SNX29: variants seen among roughly 807,000 people sequenced by gnomAD.
SNX29 encodes the protein sorting nexin-29.
In SNX29, 78 loss-of-function variants were observed where a neutral mutation model predicts 102.1. That is an observed-to-expected ratio of 0.76 (90% CI 0.64 to 0.92). The LOEUF (loss-of-function observed/expected upper bound fraction) is 0.92. Ranked by LOEUF, SNX29 falls within the 40% of genes least tolerant of loss-of-function variation. SNX29 has a pLI of 0.00. For synonymous variants in SNX29, 580 were observed against 414.5 expected, an observed-to-expected ratio of 1.40 and a Z score of -4.85; for missense variants, 1,280 against 1,061.7, an observed-to-expected ratio of 1.21 and a Z score of -2.86.
chr16:12,567,827 C>G (rs1002934055), intron 20 of SNX29, among the ~76,000 whole-genome samples: 1 of 152,148 alleles, frequency 6.6e-6, no homozygotes, highest in African/African-American at 2.4e-5. Flanking sequence ...CCTCTGCTCT[C>G]ACGGTGAAGC....
At chr16:12,348,429 G>A (rs1476117) in intron 15 of SNX29, among the ~76,000 whole-genome samples, 60,640 of 152,152 alleles carry the variant, frequency 0.4, 13,817 homozygotes, top group Non-Finnish European at 0.54. Context: ...TTACTGCTAG[G>A]GTCCCCCTGA....
intron 20 of SNX29, among the ~76,000 whole-genome samples, chr16:12,535,794 G>A (rs765551255): frequency 7.9e-5 from 12 of 151,848 alleles, no homozygotes; most frequent in Admixed American, 2.0e-4. Flanking sequence ...TATAGAGGCC[G>A]CAGCCACTGT....
At position 12,552,440 on chromosome 16, in the gene SNX29, G is replaced by A. The variant is rs141245785; in HGVS notation, c.2319-16066G>A. 1.4e-4 allele frequency among the ~76,000 whole-genome samples: 22 copies of A among 152,294 alleles called. 1 individual carries two copies. In the East Asian group the frequency reaches 4.3e-3, roughly 29 times the overall value. ...GGTCAGTTCTTTTGGCTCGAGAGCT[G>A]GAGTGAAATACCTCGGGTCCATCTC... On this transcript the variant is annotated intron_variant, in intron 20 of 20. Coordinates refer to ENST00000566228, the MANE Select transcript of SNX29 (RefSeq NM_032167.5).
intron 4 of SNX29, among the ~76,000 whole-genome samples, chr16:12,030,114 G>A (rs2057299144): frequency 6.6e-6 from 1 of 152,124 alleles, no homozygotes; most frequent in Non-Finnish European, 1.5e-5. Flanking sequence ...CGATGCCATA[G>A]CCTCTTGGCA....
At chr16:12,493,696 A>G (rs1015202269) in intron 19 of SNX29, among the ~76,000 whole-genome samples, 1 of 152,134 alleles carries the variant, frequency 6.6e-6, no homozygotes, top group Non-Finnish European at 1.5e-5. Context: ...GGTTCAAATG[A>G]TTGTCCTGCC....
In SNX29 at chr16:12,545,188, CAATACAAAAAAGGAAGGGG is replaced by C. The variant is rs1567685619; in HGVS notation, c.2318+20348_2318+20366del. 7.9e-5 allele frequency among the ~76,000 whole-genome samples: 12 copies of C among 152,136 alleles called. No homozygotes were observed. In the South Asian group the frequency reaches 2.5e-3, roughly 32 times the overall value. On this transcript the variant is annotated intron_variant, in intron 20 of 20. Transcript: ENST00000566228. The stretch of plus-strand genomic sequence containing the variant: ...CAGCCGTCAGAGAAACAAATATGGT[CAATACAAAAAAGGAAGGGG>C]TGGGGCAGGCAATGACAGGGAAAGG...
At chr16:12,402,645 C>T (rs146563986) in intron 17 of SNX29, among the ~76,000 whole-genome samples, 25 of 152,318 alleles carry the variant, frequency 1.6e-4, no homozygotes, top group African/African-American at 6.0e-4. Context: ...AAAACAATCA[C>T]ATAACCAAAA....
chr16:12,281,070 G>A (rs907123420), intron 15 of SNX29, among the ~76,000 whole-genome samples: 2 of 152,118 alleles, frequency 1.3e-5, no homozygotes, highest in East Asian at 3.8e-4. Context: ...ACTATTCCCA[G>A]CTAATTTTTT....
At chr16:12,476,960 G>C (rs2087683500) in intron 18 of SNX29, among the ~76,000 whole-genome samples, 1 of 152,112 alleles carries the variant, frequency 6.6e-6, no homozygotes, top group African/African-American at 2.4e-5. Flanking sequence ...TCTCTGGGCT[G>C]TTCTTAACTC....
intron 14 of SNX29, among the ~76,000 whole-genome samples, chr16:12,223,371 CA>C (rs1438674563): frequency 2.6e-5 from 4 of 152,126 alleles, no homozygotes; most frequent in Non-Finnish European, 4.4e-5. Context: ...ATTAAAAATA[CA>C]AAAATTAGGC....
At chr16:12,529,698 TTCTC>T (rs1484314636) in intron 20 of SNX29, among the ~76,000 whole-genome samples, 1 of 151,994 alleles carries the variant, frequency 6.6e-6, no homozygotes, top group Non-Finnish European at 1.5e-5. Context: ...TGCTGCTGCA[TTCTC>T]TCTTAGGGTT....
chr16:12,156,218 G>C (rs146606913), intron 13 of SNX29, among the ~76,000 whole-genome samples: 4 of 152,260 alleles, frequency 2.6e-5, no homozygotes, highest in Non-Finnish European at 4.4e-5. Context: ...CTGTCGCCCA[G>C]GCTGGAGTGC....
At chr16:12,481,561 A>G (rs932647253) in intron 19 of SNX29, among the ~76,000 whole-genome samples, 1 of 142,492 alleles carries the variant, frequency 7.0e-6, no homozygotes, top group African/African-American at 2.6e-5. Context: ...CACACCCCAA[A>G]TGTCACCCTG....
At chr16:12,408,971 T>C (rs1402901245) in intron 18 of SNX29, among the ~76,000 whole-genome samples, 1 of 152,238 alleles carries the variant, frequency 6.6e-6, no homozygotes, top group East Asian at 1.9e-4. Context: ...ATTGCCAAGG[T>C]TGAATGCAAA....
At chr16:12,186,138 C>A (rs1352910402) in intron 13 of SNX29, among the ~76,000 whole-genome samples, 2 of 152,146 alleles carry the variant, frequency 1.3e-5, no homozygotes, top group Non-Finnish European at 2.9e-5. Context: ...ATTCAGTTAA[C>A]CCTTTTAACC....
Position 12,573,997 on chromosome 16 carries a change from G to A in SNX29, c.*5368G>A, listed in dbSNP as rs548272121. 1.0e-5 allele frequency: 2 copies of A among 198,044 alleles called. No individual in the cohort carries two copies. The highest frequency in any genetic ancestry group is 1.7e-3 in the Middle Eastern group (1 of 598). The allele number at this position is 198,044 out of a possible 1,614,324, so 12.3% of individuals were successfully genotyped here. On this transcript the variant is annotated 3_prime_UTR_variant, in exon 21 of 21. Coordinates refer to ENST00000566228, the MANE Select transcript of SNX29 (RefSeq NM_032167.5). ...GGGGCGCCCATGATCGGCTCCCAGT[G>A]CACCCCCTTAAGGGTAAGCAGGCCA...
chr16:12,068,752 C>A (rs113167445), intron 9 of SNX29, among the ~76,000 whole-genome samples: 1 of 152,116 alleles, frequency 6.6e-6, no homozygotes, highest in Admixed American at 6.5e-5. Flanking sequence ...ACCATGTTGG[C>A]CAGGCCGGTC....
At chr16:12,437,363 C>T (rs112335143) in intron 18 of SNX29, among the ~76,000 whole-genome samples, 226 of 152,358 alleles carry the variant, frequency 1.5e-3, no homozygotes, top group African/African-American at 5.3e-3. Flanking sequence ...AGGCCCTGCC[C>T]ACCGCATTCC....
intron 20 of SNX29, among the ~76,000 whole-genome samples, chr16:12,549,850 CTG>C (rs1229145782): frequency 2.0e-5 from 3 of 152,386 alleles, no homozygotes; most frequent in Non-Finnish European, 4.4e-5. Flanking sequence ...GGCCGCATGA[CTG>C]TGGTGAAACA....
Sources: allele counts gnomAD v4.1 joint callset (sites outside exome capture counted in the v4.1 genomes callset), GRCh38; gene constraint gnomAD v4.1.1; transcripts MANE v1.5; gene names NCBI Gene and HGNC (gene_info 2026-07-23, HGNC 2026-07-21).